Variants in PCDHGB1 observed in about 807,000 individuals in gnomAD.
The protein encoded by PCDHGB1 is protocadherin gamma-B1.
In PCDHGB1, 34 loss-of-function variants were observed where a neutral mutation model predicts 56.6. The ratio of observed to expected loss-of-function variants is 0.60; its 90% CI spans 0.46 to 0.80. The LOEUF (loss-of-function observed/expected upper bound fraction) is 0.80, where lower values mean the gene tolerates loss of function less well. Among genes scored for constraint, PCDHGB1 ranks in the 30% least tolerant of loss-of-function variants. The pLI, the probability that PCDHGB1 is intolerant of heterozygous loss-of-function variation, is 0.00. For missense variants in PCDHGB1, 1,278 were observed against 1,204.6 expected, an observed-to-expected ratio of 1.06 and a Z score of -0.90; for synonymous variants, 561 against 505.9, an observed-to-expected ratio of 1.11 and a Z score of -1.46.
rs769187557 is a variant in PCDHGB1, at chr5:141,433,087, A to C, written c.2410-61720A>C. 2.5e-6 allele frequency: 4 copies of C among 1,614,206 alleles called. No homozygotes were observed. In the Admixed American group the frequency reaches 6.7e-5, roughly 27 times the overall value. On this transcript the variant is annotated intron_variant, in intron 1 of 3. Transcript: ENST00000523390. The stretch of plus-strand genomic sequence containing the variant: ...TGATCTTCCCCCAGCCCAACTATGC[A>C]GACATGCTCGTCAGCCAGGAGAGCT...
chr5:141,403,358 G>A (rs1031210052), intron 1 of PCDHGB1: 1 of 1,614,026 alleles, frequency 6.2e-7, no homozygotes. Flanking sequence ...GTTCCAGGCC[G>A]AAAGTCTGGA....
At chr5:141,499,689 CTTT>C (rs545067566) in intron 2 of PCDHGB1, among the ~76,000 whole-genome samples, 2 of 119,848 alleles carry the variant, frequency 1.7e-5, no homozygotes, top group African/African-American at 3.1e-5. Context: ...TAACAGATGA[CTTT>C]TTTTTTTTTT....
chr5:141,476,421 C>G lies in PCDHGB1; in HGVS notation c.2410-18386C>G. 1 of 1,614,026 alleles carries G rather than the reference C, an allele frequency of 6.2e-7. No homozygotes were observed. Among genetic ancestry groups the G allele is most frequent in the South Asian group, 1.1e-5 (1 of 91,066 alleles). On this transcript the variant is annotated intron_variant, in intron 1 of 3. Transcript: ENST00000523390. The surrounding 1 kb of genome is among the most constrained non-coding windows in gnomAD (Gnocchi z 7.6). ...CGAGAGGAGCTGTGTGGGACACTGC[C>G]CTCTTGCACTGTAACTCTGGAGTTG...
intron 1 of PCDHGB1, among the ~76,000 whole-genome samples, chr5:141,380,452 A>G (rs939705980): frequency 9.9e-5 from 15 of 152,226 alleles, no homozygotes; most frequent in African/African-American, 3.6e-4. Flanking sequence ...TTTTTAATGC[A>G]ACCAAACAAA....
chr5:141,473,349 T>G (rs2099319716), intron 1 of PCDHGB1, among the ~76,000 whole-genome samples: 1 of 152,232 alleles, frequency 6.6e-6, no homozygotes, highest in Non-Finnish European at 1.5e-5. Context: ...ACAGTGAGGA[T>G]GCAAGTGGCC....
At chr5:141,398,273 A>G (rs1223394149) in intron 1 of PCDHGB1, 1 of 1,414,722 alleles carries the variant, frequency 7.1e-7, no homozygotes, top group Non-Finnish European at 9.6e-7. Flanking sequence ...GTAGTGGGGA[A>G]CCTCGCCACG....
intron 1 of PCDHGB1, chr5:141,378,751 G>C (rs72790019): frequency 1.3e-5 from 2 of 152,014 alleles, no homozygotes; most frequent in African/African-American, 4.8e-5. Context: ...AAGAAAAAAG[G>C]GATTATCATT....
At chr5:141,386,384 A>G (rs1033532471) in intron 1 of PCDHGB1, among the ~76,000 whole-genome samples, 6 of 152,220 alleles carry the variant, frequency 3.9e-5, no homozygotes, top group Non-Finnish European at 8.8e-5. Flanking sequence ...TATTAATTAA[A>G]AACACACTTT....
chr5:141,355,095 G>C lies in PCDHGB1; in HGVS notation c.2409+2426G>C. On this transcript the variant is annotated intron_variant, in intron 1 of 3. Coordinates refer to ENST00000523390, the MANE Select transcript of PCDHGB1 (RefSeq NM_018922.3). ...AAAGCTTCAAGCGGAAGCCCTGAGA[G>C]CTCTGGCTGTGAATGCACTTTATTT... 2.0e-6 allele frequency: 3 copies of C among 1,488,958 alleles called. No homozygotes were observed. In the South Asian group the frequency reaches 4.2e-5, roughly 21 times the overall value. The allele number at this position is 1,488,958 out of a possible 1,614,324, so 92.2% of individuals were successfully genotyped here. A position where few individuals can be genotyped will look rare whatever the true frequency, so the allele number is the denominator to read the frequency against.
chr5:141,357,386 G>A, intron 1 of PCDHGB1: 1 of 1,614,234 alleles, frequency 6.2e-7, no homozygotes, highest in Non-Finnish European at 8.5e-7. Flanking sequence ...CACGCTGAAG[G>A]CAGCAGGTTG....
At chr5:141,352,770 A>C in intron 1 of PCDHGB1, 101 bp downstream of exon 1, 1 of 1,227,116 alleles carries the variant, frequency 8.1e-7, no homozygotes, top group Non-Finnish European at 1.1e-6. Flanking sequence ...CAGGTGGATC[A>C]CTTGAGGTCA....
intron 1 of PCDHGB1, among the ~76,000 whole-genome samples, chr5:141,469,102 A>G (rs1423904196): frequency 6.6e-6 from 1 of 151,626 alleles, no homozygotes; most frequent in East Asian, 1.9e-4. Flanking sequence ...CAAAGCAAGA[A>G]CCTGTCTCTA....
chr5:141,501,333 A>ACACACACC (rs1186649373), intron 2 of PCDHGB1, among the ~76,000 whole-genome samples: 1 of 140,020 alleles, frequency 7.1e-6, no homozygotes, highest in African/African-American at 2.6e-5. Context: ...ACACACACAC[A>ACACACACC]CCCCAAACTC....
intron 1 of PCDHGB1, chr5:141,433,370 T>TCTAA (rs1466476027): frequency 1.8e-6 from 1 of 554,768 alleles, no homozygotes; most frequent in African/African-American, 1.9e-5. Context: ...TATCTATCTA[T>TCTAA]CTATCTATCT....
intron 2 of PCDHGB1, among the ~76,000 whole-genome samples, chr5:141,504,704 A>G (rs965376942): frequency 1.3e-5 from 2 of 151,356 alleles, no homozygotes; most frequent in African/African-American, 4.8e-5. Flanking sequence ...AGGTTCTTCT[A>G]TGGCCGTGGA....
intron 1 of PCDHGB1, among the ~76,000 whole-genome samples, chr5:141,353,388 A>C (rs944998762): frequency 2.6e-5 from 4 of 152,252 alleles, no homozygotes; most frequent in Non-Finnish European, 5.9e-5. Flanking sequence ...TAATGTAATT[A>C]TGTAATTAAT....
rs189767695 is a variant in PCDHGB1, at chr5:141,497,247, T to C, written c.2468+2382T>C. Among the ~76,000 whole-genome samples the C allele has an allele frequency of 2.0e-5, 3 of 151,456 alleles. No individual in the cohort carries two copies. The East Asian group carries it at 5.8e-4, about 29-fold the overall frequency. ...ATCAGAGAAGGCTTCTAGGAGGAGGTGACATTGAGAAGTTCTAGGCCATTT... is the reference window on the plus strand; with the variant it reads ...ATCAGAGAAGGCTTCTAGGAGGAGGCGACATTGAGAAGTTCTAGGCCATTT... On this transcript the variant is annotated intron_variant, in intron 2 of 3. Transcript: ENST00000523390.
intron 1 of PCDHGB1, chr5:141,403,467 T>G: frequency 6.2e-7 from 1 of 1,614,020 alleles, no homozygotes; most frequent in Non-Finnish European, 8.5e-7. Context: ...AGCTACCAGC[T>G]CAGCCCCAAT....
rs767396941 is a variant in PCDHGB1 at position 141,357,397 on chromosome 5, G to T, written c.2409+4728G>T. The stretch of plus-strand genomic sequence containing the variant: ...GCTTCACGCTGAAGGCAGCAGGTTG[G>T]CAGGTGTGCCTGCCTCGCACTTTGT... On this transcript the variant is annotated intron_variant, in intron 1 of 3. Transcript: ENST00000523390. 8.7e-6 allele frequency: 14 copies of T among 1,614,242 alleles called. No homozygotes were observed. In the Admixed American group the frequency reaches 2.3e-4, roughly 27 times the overall value.
Sources: gnomAD v4.1 joint callset for allele counts (sites outside exome capture counted in the v4.1 genomes callset) on GRCh38, gnomAD v4.1.1 for gene constraint, Gnocchi (gnomAD v3.1) non-coding constraint, MANE v1.5 for transcripts, NCBI Gene and HGNC (gene_info 2026-07-23, HGNC 2026-07-21) for gene names.